Variants in KCNJ10 observed in about 807,000 individuals in gnomAD.
KCNJ10 encodes the protein potassium inwardly rectifying channel subfamily J member 10.
In KCNJ10, 9 loss-of-function variants were observed where a neutral mutation model predicts 22.2. The observed-to-expected ratio is 0.40, with a 90% CI of 0.24 to 0.71. The LOEUF is 0.71. Ranked by LOEUF, KCNJ10 falls within the 30% of genes least tolerant of loss-of-function variation. The pLI, the probability that KCNJ10 is intolerant of heterozygous loss-of-function variation, is 0.35. For synonymous variants in KCNJ10, 184 were observed against 187.3 expected (o/e 0.98, Z 0.15); for missense variants, 337 against 482.7 (o/e 0.70, Z 2.83).
chr1:160,065,197 T>C (rs1188824092), intron 1 of KCNJ10, among the ~76,000 whole-genome samples: 3 of 152,134 alleles, frequency 2.0e-5, no homozygotes, highest in Non-Finnish European at 4.4e-5. Context: ...GGGGTTTCTC[T>C]TGAGATCTCC....
At chr1:160,043,272 A>ACACAC (rs1553235192) in intron 1 of KCNJ10, among the ~76,000 whole-genome samples, 10,768 of 132,564 alleles carry the variant, frequency 0.081, 701 homozygotes, top group East Asian at 0.11. Context: ...TCCCCCTTAA[A>ACACAC]ACACACACAC....
In KCNJ10 at chr1:160,043,272, A is replaced by ACACACACACACACAC. The variant is rs1553235192; in HGVS notation, c.1-741_1-740insGTGTGTGTGTGTGTG. Among the ~76,000 whole-genome samples the ACACACACACACACAC allele has an allele frequency of 7.2e-4, 95 of 132,738 alleles. 2 individuals carry two copies. Among genetic ancestry groups the ACACACACACACACAC allele is most frequent in the African/African-American group, 1.4e-3 (49 of 34,042 alleles). The allele number at this position is 132,738 out of a possible 152,430, so 87.1% of individuals were successfully genotyped here. On this transcript the variant is annotated intron_variant, in intron 1 of 1. Coordinates refer to ENST00000644903, the MANE Select transcript of KCNJ10 (RefSeq NM_002241.5). ...ATCCTTCCAGGCCAATCCCCCTTAA[A>ACACACACACACACAC]ACACACACACACACACACACACACA...
At chr1:160,061,899 C>T (rs1649205618) in intron 1 of KCNJ10, among the ~76,000 whole-genome samples, 1 of 151,924 alleles carries the variant, frequency 6.6e-6, no homozygotes, top group African/African-American at 2.4e-5. Flanking sequence ...TGTGGGGCCG[C>T]ATAGATGAGT....
At chr1:160,043,316 A>ACACACCC (rs1557968547) in intron 1 of KCNJ10, among the ~76,000 whole-genome samples, 10 of 142,488 alleles carry the variant, frequency 7.0e-5, no homozygotes, top group East Asian at 4.0e-4. Flanking sequence ...CACACACACA[A>ACACACCC]CCTTAATTTC....
chr1:160,044,855 T>A (rs963927769), intron 1 of KCNJ10: 1 of 151,780 alleles, frequency 6.6e-6, no homozygotes, highest in African/African-American at 2.4e-5. Context: ...TCAGCAAAAA[T>A]TTTTAAAAAT....
In KCNJ10 at chr1:160,038,366, C is replaced by G. The variant is rs970433854; in HGVS notation, c.*3027G>C. Reference sequence around the variant, plus strand: ...TGGTAGATTTTCCAAGACTTCCCCTCCCTATTGTCCTCCGAGTTCCTCTCT... The same window carrying G: ...TGGTAGATTTTCCAAGACTTCCCCTGCCTATTGTCCTCCGAGTTCCTCTCT... On this transcript the variant is annotated 3_prime_UTR_variant, in exon 2 of 2. Coordinates refer to ENST00000644903, the MANE Select transcript of KCNJ10 (RefSeq NM_002241.5). 2 of 152,204 alleles carry G rather than the reference C, an allele frequency of 1.3e-5. No homozygotes were observed. The highest frequency in any genetic ancestry group is 2.9e-5 in the Non-Finnish European group (2 of 68,026). 9.4% of individuals were successfully genotyped at this position (152,204 alleles called of 1,614,324 possible).
chr1:160,060,596 C>A (rs1001596394), intron 1 of KCNJ10, among the ~76,000 whole-genome samples: 5 of 152,186 alleles, frequency 3.3e-5, no homozygotes, highest in Admixed American at 3.3e-4. Flanking sequence ...AAACCAATAT[C>A]AGCTTAGTTC....
intron 1 of KCNJ10, among the ~76,000 whole-genome samples, chr1:160,068,275 C>T (rs1414366824): frequency 1.8e-5 from 2 of 111,084 alleles, no homozygotes; most frequent in African/African-American, 6.3e-5. Flanking sequence ...ACCCCTGCCA[C>T]TCCCACTCCC....
At chr1:160,052,656 G>A (rs74123226) in intron 1 of KCNJ10, among the ~76,000 whole-genome samples, 4 of 152,196 alleles carry the variant, frequency 2.6e-5, no homozygotes, top group Admixed American at 6.5e-5. Context: ...AGAACTAAGA[G>A]ACAGCACTGC....
chr1:160,052,428 C>T (rs1314829045), intron 1 of KCNJ10, among the ~76,000 whole-genome samples: 1 of 152,208 alleles, frequency 6.6e-6, no homozygotes, highest in East Asian at 1.9e-4. Flanking sequence ...CAGTACTTTT[C>T]TTCCTTCCCT....
chr1:160,047,601 G>A (rs1427752328), intron 1 of KCNJ10, among the ~76,000 whole-genome samples: 3 of 152,058 alleles, frequency 2.0e-5, no homozygotes, highest in African/African-American at 4.8e-5. Flanking sequence ...TTCAGAACTC[G>A]ACTCAACTGT....
chr1:160,070,110 G>C lies in KCNJ10; in HGVS notation c.-89C>G, dbSNP rs1649415832. 6.5e-6 allele frequency: 1 copy of C among 152,762 alleles called. No individual in the cohort carries two copies. Among genetic ancestry groups the C allele is most frequent in the African/African-American group, 2.4e-5 (1 of 41,426 alleles). The allele number at this position is 152,762 out of a possible 1,614,324, so 9.5% of individuals were successfully genotyped here. A position where few individuals can be genotyped will look rare whatever the true frequency, so the allele number is the denominator to read the frequency against. On this transcript the variant is annotated 5_prime_UTR_variant, in exon 1 of 2. Transcript: ENST00000644903. The surrounding 1 kb of genome is among the most constrained non-coding windows in gnomAD (Gnocchi z 4.3). ...GGGGCGGGCAGGAGTTAGGAGCAGA[G>C]CTGTGCGACGGGCCGGGCCAGGACT...
Position 160,040,713 on chromosome 1 carries a change from A to C in KCNJ10, c.*680T>G, listed in dbSNP as rs886045411. 3 of 397,928 alleles carry C rather than the reference A, an allele frequency of 7.5e-6. No homozygotes were observed. The highest frequency in any genetic ancestry group is 8.6e-5 in the Admixed American group (2 of 23,132). 24.6% of individuals were successfully genotyped at this position (397,928 alleles called of 1,614,324 possible). On this transcript the variant is annotated 3_prime_UTR_variant, in exon 2 of 2. Transcript: ENST00000644903. ...GTTATATGTTTATGTTTCTTGGGCC[A>C]ACTCCAATTCTCTGAGAACAGAGGC...
At position 160,041,512 on chromosome 1, in the gene KCNJ10, C is replaced by G. The variant is rs796052605; in HGVS notation, c.1021G>C (p.Gly341Arg). ...DQVVKVASPS[G>R]LRDSTVRYGD... ...TAGCGTACAGTGCTGTCACGGAGGC[C>G]ACTAGGAGAGGCCACTTTCACAACT... The change falls in exon 2 of 2, where the codon GGC becomes CGC. Residue 341 changes from glycine (G) to arginine (R), a missense_variant. By Grantham distance (125) the Gly-to-Arg change is moderately radical. Transcript: ENST00000644903. The surrounding 1 kb of genome is among the most constrained non-coding windows in gnomAD (Gnocchi z 4.4). The G allele has an allele frequency of 1.9e-6, 3 of 1,614,176 alleles. No homozygotes were observed. Among genetic ancestry groups the G allele is most frequent in the Non-Finnish European group, 2.5e-6 (3 of 1,180,034 alleles).
At chr1:160,055,272 G>A (rs1649000767) in intron 1 of KCNJ10, among the ~76,000 whole-genome samples, 2 of 152,110 alleles carry the variant, frequency 1.3e-5, no homozygotes, top group Non-Finnish European at 2.9e-5. Context: ...TACTCCATTT[G>A]CCCCACACAG....
intron 1 of KCNJ10, among the ~76,000 whole-genome samples, chr1:160,049,224 A>G (rs1291386920): frequency 6.6e-6 from 1 of 151,982 alleles, no homozygotes; most frequent in African/African-American, 2.4e-5. Flanking sequence ...ATGTCTCCCC[A>G]TTATCTATCA....
chr1:160,053,607 A>AGT lies in KCNJ10; in HGVS notation c.1-11077_1-11076dup, dbSNP rs58451151. On this transcript the variant is annotated intron_variant, in intron 1 of 1. Transcript: ENST00000644903. ...ATCCTGAGGTGGGGAAAAAGAGGGC[A>AGT]GTGTGTGTGTGTGTGTGTGTGTGTG... Among the ~76,000 whole-genome samples the AGT allele has an allele frequency of 1.6e-3, 238 of 149,252 alleles. 1 individual carries two copies. The highest frequency in any genetic ancestry group is 3.8e-3 in the African/African-American group (156 of 40,678).
intron 1 of KCNJ10, chr1:160,064,882 T>G (rs1196091454): frequency 6.6e-6 from 1 of 152,256 alleles, no homozygotes; most frequent in Non-Finnish European, 1.5e-5. Context: ...GGAGGTGACC[T>G]CACATGTCTG....
At chr1:160,064,053 C>T (rs1428006283) in intron 1 of KCNJ10, among the ~76,000 whole-genome samples, 1 of 152,186 alleles carries the variant, frequency 6.6e-6, no homozygotes, top group African/African-American at 2.4e-5. Context: ...CATGATGAAC[C>T]ACTACCCCAT....
Sources: allele counts gnomAD v4.1 joint callset (sites outside exome capture counted in the v4.1 genomes callset), GRCh38; gene constraint gnomAD v4.1.1; non-coding constraint Gnocchi (gnomAD v3.1); transcripts MANE v1.5; gene names NCBI Gene and HGNC (gene_info 2026-07-23, HGNC 2026-07-21).